The following TTC12 variants were observed in gnomAD, a reference collection of about 807,000 sequenced individuals.
TTC12 encodes the protein tetratricopeptide repeat domain 12.
TTC12 carries 70 observed loss-of-function variants against 90.1 expected under a neutral mutation model. The ratio of observed to expected loss-of-function variants is 0.78; its 90% confidence interval spans 0.64 to 0.95. The LOEUF (loss-of-function observed/expected upper bound fraction) is 0.95, where lower values mean the gene tolerates loss of function less well. Among genes scored for constraint, TTC12 ranks in the 40% least tolerant of loss-of-function variants. The pLI is 0.00. For synonymous variants in TTC12, 296 were observed against 311.5 expected (o/e 0.95, Z 0.53); for missense variants, 819 against 846.1 (o/e 0.97, Z 0.40).
chr11:113,335,942 G>T (rs1159450511), intron 8 of TTC12, among the ~76,000 whole-genome samples: 2 of 152,134 alleles, frequency 1.3e-5, no homozygotes, highest in African/African-American at 4.8e-5. Context: ...ATATCTAGAA[G>T]TGGAATAGCA....
downstream of TTC12, among the ~76,000 whole-genome samples, chr11:113,370,064 C>T (rs1256850630): frequency 6.6e-6 from 1 of 152,198 alleles, no homozygotes; most frequent in Non-Finnish European, 1.5e-5. Flanking sequence ...CCTGAGAGCA[C>T]TGGTCTTGGG....
intron 17 of TTC12, 45 bp from the exon 18 acceptor site, chr11:113,359,895 G>C (rs1215383951): frequency 6.7e-6 from 10 of 1,482,816 alleles, no homozygotes; most frequent in Non-Finnish European, 9.2e-6. Flanking sequence ...AATTCAGATT[G>C]TCAGAAAATT....
chr11:113,350,536 A>C (rs1555149836), intron 14 of TTC12, among the ~76,000 whole-genome samples: 1 of 152,254 alleles, frequency 6.6e-6, no homozygotes, highest in Non-Finnish European at 1.5e-5. Context: ...CGAGCCAGCA[A>C]GCAAGAATGA....
At chr11:113,323,661 A>C (rs782032591) in intron 3 of TTC12, among the ~76,000 whole-genome samples, 1 of 152,054 alleles carries the variant, frequency 6.6e-6, no homozygotes, top group Non-Finnish European at 1.5e-5. Context: ...ATTTTAATGG[A>C]AATTTCCCCT....
At chr11:113,363,799 T>A in intron 19 of TTC12, 29 bp from the exon 20 acceptor site, 1 of 1,524,960 alleles carries the variant, frequency 6.6e-7, no homozygotes, top group Non-Finnish European at 9.1e-7. Context: ...GCACTGATTT[T>A]ATTTTTCTAA....
chr11:113,323,513 G>T (rs1947481887), intron 3 of TTC12, 62 bp downstream of exon 3: 1 of 1,188,792 alleles, frequency 8.4e-7, no homozygotes, highest in Non-Finnish European at 1.1e-6. Context: ...CACCTAGGCA[G>T]TAGTTTAATC....
At chr11:113,327,413 T>A (rs1166877027) in intron 6 of TTC12, among the ~76,000 whole-genome samples, 3 of 146,284 alleles carry the variant, frequency 2.1e-5, no homozygotes, top group Admixed American at 6.8e-5. Flanking sequence ...AGAAAACACT[T>A]AATAAGGACC....
intron 7 of TTC12, among the ~76,000 whole-genome samples, chr11:113,334,686 T>C (rs917762160): frequency 1.3e-5 from 2 of 151,688 alleles, no homozygotes; most frequent in Admixed American, 6.6e-5. Flanking sequence ...TGTTAAGAGC[T>C]CTTCTAAACT....
chr11:113,319,459 A>C (rs781837835), intron 2 of TTC12, among the ~76,000 whole-genome samples: 6 of 152,220 alleles, frequency 3.9e-5, no homozygotes, highest in Non-Finnish European at 5.9e-5. Flanking sequence ...ATTTAAAAAA[A>C]AGTTAATTAA....
chr11:113,372,881 T>C (rs964964023), intron 21 of TTC12, among the ~76,000 whole-genome samples: 3 of 152,044 alleles, frequency 2.0e-5, no homozygotes, highest in Non-Finnish European at 4.4e-5. Context: ...GAGCAATGTT[T>C]GTTGAAGGGC....
downstream of TTC12, chr11:113,368,751 A>G: frequency 1.9e-6 from 1 of 522,266 alleles, no homozygotes; most frequent in African/African-American, 1.9e-5. Context: ...GGATAGGTTC[A>G]AATAAGAGCT....
At chr11:113,315,613 A>C (rs1946887068) in intron 1 of TTC12, among the ~76,000 whole-genome samples, 1 of 152,226 alleles carries the variant, frequency 6.6e-6, no homozygotes, top group African/African-American at 2.4e-5. Context: ...TGAACCACTG[A>C]GTACTGCTGG....
chr11:113,347,758 G>A (rs901772542), intron 13 of TTC12, among the ~76,000 whole-genome samples: 10 of 152,136 alleles, frequency 6.6e-5, no homozygotes, highest in African/African-American at 2.4e-4. Context: ...AGAATAAGTG[G>A]CTAAATAGAT....
At chr11:113,324,149 C>T (rs1468208753) in intron 4 of TTC12, 134 bp downstream of exon 4, 2 of 679,592 alleles carry the variant, frequency 2.9e-6, no homozygotes, top group Non-Finnish European at 5.1e-6. Flanking sequence ...ACTGATCATC[C>T]CATTCTGTTA....
intron 16 of TTC12, among the ~76,000 whole-genome samples, chr11:113,358,755 G>A (rs1179242911): frequency 6.6e-6 from 1 of 152,188 alleles, no homozygotes; most frequent in Non-Finnish European, 1.5e-5. Context: ...CTCGATGAGT[G>A]TCTGTGCTGG....
At chr11:113,316,617 A>G (rs1322878450) in intron 2 of TTC12, among the ~76,000 whole-genome samples, 1 of 152,202 alleles carries the variant, frequency 6.6e-6, no homozygotes, top group Non-Finnish European at 1.5e-5. Context: ...CCCATTGACA[A>G]TGAACCCAGC....
intron 13 of TTC12, among the ~76,000 whole-genome samples, 183 bp downstream of exon 13, chr11:113,344,623 C>T (rs1352063155): frequency 1.3e-5 from 2 of 152,198 alleles, no homozygotes; most frequent in African/African-American, 4.8e-5. Context: ...AACTTGGTAC[C>T]ATGGATGGTT....
intron 4 of TTC12, chr11:113,324,278 T>C (rs1478260060): frequency 1.9e-5 from 10 of 535,242 alleles, no homozygotes; most frequent in Non-Finnish European, 3.3e-5. Context: ...GGGATCCAGA[T>C]AGTTTCTCTG....
chr11:113,340,582 C>T, intron 10 of TTC12, 82 bp from the exon 11 acceptor site: 1 of 983,454 alleles, frequency 1.0e-6, no homozygotes. Context: ...TTAGGTTTCT[C>T]ATTAGCAGGT....
Sources: allele counts gnomAD v4.1 joint callset (sites outside exome capture counted in the v4.1 genomes callset), GRCh38; gene constraint gnomAD v4.1.1; transcripts MANE v1.5; gene names NCBI Gene and HGNC (gene_info 2026-07-23, HGNC 2026-07-21).